Variants in PHF10 observed in about 807,000 individuals in gnomAD.
The protein encoded by PHF10 is PHD finger protein 10.
A neutral mutation model predicts 68.5 loss-of-function variants in PHF10; 51 were observed. That is an observed-to-expected ratio of 0.74 (90% CI 0.59 to 0.94). The LOEUF (loss-of-function observed/expected upper bound fraction) is 0.94. Among genes scored for constraint, PHF10 ranks in the 40% least tolerant of loss-of-function variants. The pLI is 0.00. For synonymous variants in PHF10, 204 were observed against 203.5 expected, an observed-to-expected ratio of 1.00 and a Z score of -0.02; for missense variants, 460 against 602.6, an observed-to-expected ratio of 0.76 and a Z score of 2.48.
intron 3 of PHF10, among the ~76,000 whole-genome samples, chr6:169,718,382 C>G (rs1294609154): frequency 6.6e-6 from 1 of 152,116 alleles, no homozygotes; most frequent in African/African-American, 2.4e-5. Flanking sequence ...TGAAACACAG[C>G]CAGGCGTGGT....
At chr6:169,715,894 CTT>C (rs1372841828) in intron 5 of PHF10, 37 bp from the exon 6 acceptor site, 3 of 1,598,738 alleles carry the variant, frequency 1.9e-6, no homozygotes, top group Non-Finnish European at 2.6e-6. Context: ...TCACATATAA[CTT>C]TCTAAAATGT....
intron 4 of PHF10, among the ~76,000 whole-genome samples, chr6:169,717,334 C>A (rs1414828229): frequency 6.6e-6 from 1 of 152,166 alleles, no homozygotes; most frequent in Non-Finnish European, 1.5e-5. Flanking sequence ...ATATGATAAA[C>A]CCATCCTAAG....
intron 4 of PHF10, 124 bp downstream of exon 4, chr6:169,717,699 T>C (rs1317738687): frequency 1.7e-6 from 1 of 580,500 alleles, no homozygotes; most frequent in African/African-American, 2.0e-5. Flanking sequence ...GTAAATAATG[T>C]AGCATTTAAA....
intron 1 of PHF10, among the ~76,000 whole-genome samples, chr6:169,723,013 C>A (rs990729530): frequency 1.3e-5 from 2 of 152,164 alleles, no homozygotes; most frequent in African/African-American, 4.8e-5. Flanking sequence ...GGTGGACGTG[C>A]GCAACGGGAA....
chr6:169,706,201 C>A (rs1788778838), intron 9 of PHF10, among the ~76,000 whole-genome samples: 1 of 152,040 alleles, frequency 6.6e-6, no homozygotes, highest in African/African-American at 2.4e-5. Context: ...ATCAGCTTAT[C>A]CTCATTGGTA....
intron 8 of PHF10, among the ~76,000 whole-genome samples, chr6:169,710,810 C>A (rs1270446713): frequency 6.6e-6 from 1 of 151,200 alleles, no homozygotes; most frequent in Admixed American, 6.6e-5. Context: ...TAAGAAGGTC[C>A]TTCAGGAAAA....
rs181823140 is a variant in PHF10, at chr6:169,712,303, A to G, written c.957+83T>C. ...AATTACATGCAACCATCCTTTTTCA[A>G]GGAGAGGGTGATGACAGAAATTCAA... On this transcript the variant is annotated intron_variant, in intron 8 of 11. Transcript: ENST00000339209. 2.1e-4 allele frequency: 247 copies of G among 1,151,534 alleles called. 1 individual carries two copies. The East Asian group carries it at 4.3e-3, about 20-fold the overall frequency. The allele number at this position is 1,151,534 out of a possible 1,614,324, so 71.3% of individuals were successfully genotyped here. A position where few individuals can be genotyped will look rare whatever the true frequency, so the allele number is the denominator to read the frequency against.
chr6:169,710,432 A>G (rs1171922430), intron 8 of PHF10, 41 bp from the exon 9 acceptor site: 3 of 1,485,396 alleles, frequency 2.0e-6, no homozygotes, highest in Non-Finnish European at 1.9e-6. Flanking sequence ...TTTGGAATTA[A>G]GACAAATTTG....
chr6:169,706,087 C>CTT (rs1788776372), intron 9 of PHF10, among the ~76,000 whole-genome samples: 1 of 151,556 alleles, frequency 6.6e-6, no homozygotes, highest in South Asian at 2.1e-4. Context: ...ATGTGTAAGA[C>CTT]TTACTCTAAA....
intron 11 of PHF10, 95 bp from the exon 12 acceptor site, chr6:169,704,183 G>T: frequency 1.2e-6 from 1 of 841,202 alleles, no homozygotes; most frequent in Non-Finnish European, 1.8e-6. Flanking sequence ...TATCACTAAT[G>T]ATATTCCTCT....
intron 8 of PHF10, among the ~76,000 whole-genome samples, chr6:169,712,079 C>T (rs1157746134): frequency 6.6e-6 from 1 of 152,176 alleles, no homozygotes; most frequent in East Asian, 1.9e-4. Flanking sequence ...AGATCAAATT[C>T]TGTTTTGTTC....
chr6:169,718,531 G>A (rs1206789491), intron 3 of PHF10, among the ~76,000 whole-genome samples: 6 of 152,112 alleles, frequency 3.9e-5, no homozygotes, highest in African/African-American at 9.7e-5. Flanking sequence ...TCTGCCACGC[G>A]TCGTGGTGCA....
Position 169,724,395 on chromosome 6 carries a change from C to G in PHF10, c.-464G>C, listed in dbSNP as rs1450793921. On this transcript the variant is annotated 5_prime_UTR_variant, in exon 1 of 12. Transcript: ENST00000339209. ...AGCCCCGCGGCCGCCTCAGCCCCGC[C>G]GCTCGCCTCAGCCCCGCCGCTCGCC... 9.3e-4 allele frequency among the ~76,000 whole-genome samples: 85 copies of G among 91,182 alleles called. No individual in the cohort carries two copies. The East Asian group carries it at 0.011, about 11-fold the overall frequency. The allele number at this position is 91,182 out of a possible 152,430, so 59.8% of individuals were successfully genotyped here. A position where few individuals can be genotyped will look rare whatever the true frequency, so the allele number is the denominator to read the frequency against.
At position 169,723,835 on chromosome 6, in the gene PHF10, G is replaced by T; in HGVS notation, c.87+10C>A. 2.0e-6 allele frequency: 2 copies of T among 1,019,870 alleles called. No individual in the cohort carries two copies. The highest frequency in any genetic ancestry group is 2.4e-6 in the Non-Finnish European group (2 of 823,426). The allele number at this position is 1,019,870 out of a possible 1,614,324, so 63.2% of individuals were successfully genotyped here. A position where few individuals can be genotyped will look rare whatever the true frequency, so the allele number is the denominator to read the frequency against. On this transcript the variant is annotated intron_variant, in intron 1 of 11. Transcript: ENST00000339209. The stretch of plus-strand genomic sequence containing the variant: ...GGGTCAGGGTCGGGTCGCACCGGCC[G>T]CTTCCTCACCTTCGGGGACTGCGCT...
Position 169,723,897 on chromosome 6 carries a change from G to T in PHF10, c.35C>A (p.Ser12Tyr), listed in dbSNP as rs998011684. Residue 12 changes from serine to tyrosine, a missense_variant, in exon 1 of 12, where the codon TCC (serine) becomes TAC (tyrosine). Ser to Tyr is a moderately radical substitution (Grantham distance 144). Transcript: ENST00000339209. The stretch of plus-strand genomic sequence containing the variant: ...TGGGTCGCTGTCGCACGGCCGCGGG[G>T]ACAGCGCAGCCCCGGGCCCGGCCGC... ...AAAAGPGAALSPRPCDSDPAT... is the reference protein window; with the variant it reads ...AAAAGPGAALYPRPCDSDPAT... 35 of 1,080,690 alleles carry T rather than the reference G, an allele frequency of 3.2e-5. No individual in the cohort carries two copies. Among genetic ancestry groups the T allele is most frequent in the Non-Finnish European group, 3.8e-5 (34 of 889,010 alleles). 66.9% of individuals were successfully genotyped at this position (1,080,690 alleles called of 1,614,324 possible). A position where few individuals can be genotyped will look rare whatever the true frequency, so the allele number is the denominator to read the frequency against.
intron 1 of PHF10, among the ~76,000 whole-genome samples, chr6:169,723,571 G>A (rs1789236569): frequency 6.6e-6 from 1 of 152,150 alleles, no homozygotes. Flanking sequence ...GGCCTAGGAG[G>A]AGGCGTTTTG....
In PHF10 at chr6:169,718,850, T is replaced by C. The variant is rs752596285; in HGVS notation, c.263A>G (p.Tyr88Cys). 4 of 1,597,816 alleles carry C rather than the reference T, an allele frequency of 2.5e-6. No individual in the cohort carries two copies. The highest frequency in any genetic ancestry group is 2.2e-5 in the South Asian group (2 of 90,574). ...TTCACTGACTTGTTCTTGAAGCATA[T>C]AGTATTCTCCTGTTTCATCAGGTGG... is the stretch of plus-strand genomic sequence containing the variant. ...KWPPDETGEY[Y>C]MLQEQVSEYL... Residue 88 changes from tyrosine (Y) to cysteine (C), a missense_variant, in exon 3 of 12, where the codon TAT becomes TGT. By Grantham distance (194) the Tyr-to-Cys change is radical (BLOSUM62 -2). This residue lies in a region of PHF10 where 256 missense variants were observed against 410.5 expected (regional missense o/e 0.62). Transcript: ENST00000339209.
Position 169,705,707 on chromosome 6 carries a change from A to G in PHF10, c.1131T>C (p.Asn377=). ...CCTTCAGACAAATTCCACATATAGC[A>G]TTTGGAATGACCTTTGGCTGGAAGG... The part of the protein sequence containing the change: ...VPGYKPKVIP[N]AICGICLKGK... Residue 377 remains asparagine, a synonymous_variant, in exon 10 of 12, where the codon AAT becomes AAC. Coordinates refer to ENST00000339209, the MANE Select transcript of PHF10 (RefSeq NM_018288.4). The G allele has an allele frequency of 6.4e-7, 1 of 1,572,442 alleles. No homozygotes were observed. Among genetic ancestry groups the G allele is most frequent in the Non-Finnish European group, 8.8e-7 (1 of 1,142,086 alleles).
rs1244055163 is a variant in PHF10 at position 169,724,277 on chromosome 6, T to C, written c.-346A>G. On this transcript the variant is annotated 5_prime_UTR_variant, in exon 1 of 12. Transcript: ENST00000339209. ...GCCGCGGCCACCGCCTCAGCACCGTTGCCCCCCACAGCTCCGCCGCTGGCC... is the reference window on the plus strand; with the variant it reads ...GCCGCGGCCACCGCCTCAGCACCGTCGCCCCCCACAGCTCCGCCGCTGGCC... 2.1e-5 allele frequency among the ~76,000 whole-genome samples: 3 copies of C among 140,564 alleles called. No individual in the cohort carries two copies. The highest frequency in any genetic ancestry group is 4.7e-5 in the Non-Finnish European group (3 of 64,344). 92.2% of individuals were successfully genotyped at this position (140,564 alleles called of 152,430 possible). A position where few individuals can be genotyped will look rare whatever the true frequency, so the allele number is the denominator to read the frequency against.
Sources: gnomAD v4.1 joint callset for allele counts (sites outside exome capture counted in the v4.1 genomes callset) on GRCh38, gnomAD v4.1.1 for gene constraint, gnomAD v4.1.1 regional missense constraint, MANE v1.5 for transcripts, NCBI Gene and HGNC (gene_info 2026-07-23, HGNC 2026-07-21) for gene names.